DLG2: variants seen among roughly 807,000 people sequenced by gnomAD.
DLG2 encodes disks large homolog 2.
A neutral mutation model predicts 132.5 loss-of-function variants in DLG2; 45 were observed. The ratio of observed to expected loss-of-function variants is 0.34; its 90% CI spans 0.27 to 0.44. The LOEUF (loss-of-function observed/expected upper bound fraction) is 0.44. Among genes scored for constraint, DLG2 ranks in the 20% least tolerant of loss-of-function variants. DLG2 has a pLI of 1.00. For missense variants in DLG2, 1,045 were observed against 1,196.9 expected, an observed-to-expected ratio of 0.87 and a Z score of 1.87; for synonymous variants, 424 against 419.6, an observed-to-expected ratio of 1.01 and a Z score of -0.13.
chr11:83,658,729 G>A (rs958007221), intron 18 of DLG2, among the ~76,000 whole-genome samples: 1 of 152,140 alleles, frequency 6.6e-6, no homozygotes, highest in Non-Finnish European at 1.5e-5. Context: ...GGAAAGCCCT[G>A]GAATTGCATA....
At chr11:84,230,144 G>A (rs144691539) in intron 8 of DLG2, among the ~76,000 whole-genome samples, 11 of 152,256 alleles carry the variant, frequency 7.2e-5, no homozygotes, top group Admixed American at 1.3e-4. Flanking sequence ...ACAAAGGCAT[G>A]AGCCTGTCAT....
intron 16 of DLG2, among the ~76,000 whole-genome samples, chr11:83,871,638 G>GCTCAGTCAGAGTGATTATGTGC (rs6144417): frequency 6.6e-6 from 1 of 151,742 alleles, no homozygotes. Flanking sequence ...CCCACTATGT[G>GCTCAGTCAGAGTGATTATGTGC]CACGTTATCT....
chr11:85,343,757 G>C (rs2082655444), intron 3 of DLG2, among the ~76,000 whole-genome samples: 1 of 152,158 alleles, frequency 6.6e-6, no homozygotes, highest in Non-Finnish European at 1.5e-5. Flanking sequence ...GGCGGAACCT[G>C]ATAGAGCAGC....
At chr11:84,599,574 T>A (rs530388054) in intron 6 of DLG2, among the ~76,000 whole-genome samples, 1 of 152,310 alleles carries the variant, frequency 6.6e-6, no homozygotes, top group African/African-American at 2.4e-5. Flanking sequence ...TCTTAGTTCA[T>A]GAAGAAGGAA....
At position 85,111,720 on chromosome 11, in the gene DLG2, A is replaced by G. The variant is rs1265343995; in HGVS notation, c.298T>C (p.Cys100Arg). The G allele has an allele frequency of 6.4e-7, 1 of 1,559,304 alleles. No individual in the cohort carries two copies. Among genetic ancestry groups the G allele is most frequent in the Non-Finnish European group, 8.7e-7 (1 of 1,150,996 alleles). Residue 100 changes from cysteine to arginine, a missense_variant, in exon 6 of 28, where the codon TGC (cysteine) becomes CGC (arginine). Coordinates refer to ENST00000376104, the MANE Select transcript of DLG2 (RefSeq NM_001142699.3). ...TCCACTGAACAATTCTGGGCTGGGC[A>G]TCTGCCTTGGTTTTGCTGCAAATAA... ...DETTTQNQGR[C>R]PAQNCSVEAP...
intron 19 of DLG2, among the ~76,000 whole-genome samples, chr11:83,627,217 A>G (rs1400390820): frequency 6.6e-6 from 1 of 151,458 alleles, no homozygotes; most frequent in Non-Finnish European, 1.5e-5. Flanking sequence ...TTATTTTATT[A>G]TTATTATACT....
intron 3 of DLG2, among the ~76,000 whole-genome samples, chr11:85,409,283 ACATGTAAT>A (rs2089089823): frequency 6.6e-6 from 1 of 151,926 alleles, no homozygotes; most frequent in Non-Finnish European, 1.5e-5. Context: ...GTCCTGGTTT[ACATGTAAT>A]CTGGTTCACA....
At chr11:83,685,468 A>T (rs1238022634) in intron 18 of DLG2, among the ~76,000 whole-genome samples, 1 of 152,118 alleles carries the variant, frequency 6.6e-6, no homozygotes, top group Non-Finnish European at 1.5e-5. Flanking sequence ...AACTTCCCTG[A>T]ATCGATCATT....
At chr11:83,932,355 C>T (rs1290887089) in intron 14 of DLG2, among the ~76,000 whole-genome samples, 1 of 152,020 alleles carries the variant, frequency 6.6e-6, no homozygotes, top group Admixed American at 6.5e-5. Context: ...CTGCCCCAGC[C>T]TCCCGAGAAG....
At chr11:84,799,949 T>C (rs1020856892) in intron 6 of DLG2, among the ~76,000 whole-genome samples, 2 of 152,222 alleles carry the variant, frequency 1.3e-5, no homozygotes, top group African/African-American at 4.8e-5. Flanking sequence ...ATATGCTTTA[T>C]GAGAAGCTCT....
chr11:85,264,890 T>C (rs1327067545), intron 4 of DLG2, among the ~76,000 whole-genome samples: 1 of 152,224 alleles, frequency 6.6e-6, no homozygotes, highest in Non-Finnish European at 1.5e-5. Flanking sequence ...GTTCATACTA[T>C]CTAAATCCTT....
intron 6 of DLG2, among the ~76,000 whole-genome samples, chr11:84,898,437 C>T (rs553010329): frequency 8.8e-4 from 134 of 152,088 alleles, no homozygotes; most frequent in Non-Finnish European, 1.6e-3. Flanking sequence ...TGAAAGAGTA[C>T]TCAAAGCCTC....
intron 7 of DLG2, among the ~76,000 whole-genome samples, chr11:84,477,255 G>A (rs185303018): frequency 3.7e-4 from 56 of 152,182 alleles, no homozygotes; most frequent in Middle Eastern, 6.8e-3. Context: ...AGCTCTTTGG[G>A]AGGCTGAAGT....
intron 2 of DLG2, among the ~76,000 whole-genome samples, chr11:85,617,848 A>G (rs761110643): frequency 6.6e-6 from 1 of 152,208 alleles, no homozygotes; most frequent in Non-Finnish European, 1.5e-5. Context: ...ATCCTAAATT[A>G]GGGCCTCAGT....
intron 3 of DLG2, among the ~76,000 whole-genome samples, chr11:85,310,330 T>C (rs1417750029): frequency 6.6e-6 from 1 of 152,186 alleles, no homozygotes; most frequent in Non-Finnish European, 1.5e-5. Flanking sequence ...ATAGTAAAGA[T>C]AACCAATCCC....
At chr11:84,377,603 A>G (rs988604980) in intron 7 of DLG2, among the ~76,000 whole-genome samples, 2 of 152,076 alleles carry the variant, frequency 1.3e-5, no homozygotes, top group African/African-American at 4.8e-5. Context: ...CATAAAAAGA[A>G]AGAAGAAGAA....
At chr11:84,366,722 T>A (rs1188918259) in intron 7 of DLG2, among the ~76,000 whole-genome samples, 2 of 152,122 alleles carry the variant, frequency 1.3e-5, no homozygotes, top group African/African-American at 4.8e-5. Context: ...AGAAGGCCAT[T>A]ACATAATGGT....
chr11:85,057,553 G>C (rs183638010), intron 6 of DLG2, among the ~76,000 whole-genome samples: 1 of 151,504 alleles, frequency 6.6e-6, no homozygotes, highest in Non-Finnish European at 1.5e-5. Context: ...CAAGCCCAAA[G>C]ACTTCAGAGG....
chr11:83,519,587 G>A (rs1306877361), intron 21 of DLG2, among the ~76,000 whole-genome samples: 1 of 152,126 alleles, frequency 6.6e-6, no homozygotes, highest in Non-Finnish European at 1.5e-5. Context: ...GGATTCTTGT[G>A]AAGATTTAAT....
Sources: allele counts gnomAD v4.1 joint callset (sites outside exome capture counted in the v4.1 genomes callset), GRCh38; gene constraint gnomAD v4.1.1; transcripts MANE v1.5; gene names NCBI Gene and HGNC (gene_info 2026-07-23, HGNC 2026-07-21).